The following CTCFL variants were observed in gnomAD, a reference collection of about 807,000 sequenced individuals.
CTCFL encodes the protein transcriptional repressor CTCFL.
Under a neutral mutation model 67.4 loss-of-function variants are expected in CTCFL, and 36 were observed. The observed-to-expected ratio is 0.53, with a 90% CI of 0.41 to 0.71. The LOEUF (loss-of-function observed/expected upper bound fraction) is 0.71. Ranked by LOEUF, CTCFL falls within the 30% of genes least tolerant of loss-of-function variation. The pLI, the probability that CTCFL is intolerant of heterozygous loss-of-function variation, is 0.00. For synonymous variants in CTCFL, 324 were observed against 302.3 expected, an observed-to-expected ratio of 1.07 and a Z score of -0.75; for missense variants, 786 against 835.2, an observed-to-expected ratio of 0.94 and a Z score of 0.73.
intron 7 of CTCFL, among the ~76,000 whole-genome samples, chr20:57,513,052 C>T (rs772221837): frequency 1.4e-4 from 22 of 152,212 alleles, no homozygotes; most frequent in African/African-American, 4.6e-4. Flanking sequence ...CTGCTTTAAA[C>T]GAACAGAATG....
intron 9 of CTCFL, among the ~76,000 whole-genome samples, chr20:57,506,196 A>T (rs1030024373): frequency 1.3e-5 from 2 of 152,216 alleles, no homozygotes; most frequent in African/African-American, 2.4e-5. Context: ...CAGACTCAAG[A>T]AGTCGTGGCA....
At chr20:57,499,545 A>G (rs2067811784) in intron 10 of CTCFL, 1 of 155,202 alleles carries the variant, frequency 6.4e-6, no homozygotes, top group African/African-American at 2.4e-5. Flanking sequence ...TGGTTGTGGG[A>G]TGGTTCAAGC....
intron 1 of CTCFL, 66 bp from the exon 2 acceptor site, chr20:57,524,282 G>C: frequency 2.0e-6 from 3 of 1,534,816 alleles, no homozygotes; most frequent in East Asian, 2.2e-5. Context: ...GAGGGATGCG[G>C]GGGGTGCTGG....
chr20:57,515,742 C>T lies in CTCFL; in HGVS notation c.1152G>A (p.Lys384=). The T allele has an allele frequency of 6.2e-7, 1 of 1,614,136 alleles. No homozygotes were observed. The highest frequency in any genetic ancestry group is 8.5e-7 in the Non-Finnish European group (1 of 1,180,022). Reference sequence around the variant, plus strand: ...AGTGCGTTCTCATGTGGCGTTTCAGCTTGTAGGTATCTCTGCTGGCATAGC... The same window carrying T: ...AGTGCGTTCTCATGTGGCGTTTCAGTTTGTAGGTATCTCTGCTGGCATAGC... ...QCSYASRDTY[K]LKRHMRTHSG... is the part of the protein sequence containing the mutation. Residue 384 remains lysine, a synonymous_variant, in exon 6 of 11, where the codon AAG becomes AAA. Transcript: ENST00000243914.
At chr20:57,513,916 T>A in intron 7 of CTCFL, 1 of 1,285,646 alleles carries the variant, frequency 7.8e-7, no homozygotes, top group South Asian at 1.2e-5. Context: ...TCCCACACCC[T>A]CCCTCCCATT....
chr20:57,506,457 C>T (rs2068214079), intron 9 of CTCFL, among the ~76,000 whole-genome samples: 1 of 152,172 alleles, frequency 6.6e-6, no homozygotes, highest in African/African-American at 2.4e-5. Context: ...GCATGTGCCA[C>T]CATGCCCAGC....
Position 57,524,184 on chromosome 20 carries a change from C to G in CTCFL, c.22G>C (p.Val8Leu), listed in dbSNP as rs774828196. 6.2e-7 allele frequency: 1 copy of G among 1,612,916 alleles called. No individual in the cohort carries two copies. The highest frequency in any genetic ancestry group is 1.1e-5 in the South Asian group (1 of 91,052). The change falls in exon 2 of 11, where the codon GTC (valine) becomes CTC (leucine). Residue 8 changes from valine (V) to leucine (L), a missense_variant. By Grantham distance (32) the Val-to-Leu change is conservative. Around this residue, in one of 3 missense-constraint regions of CTCFL, gnomAD observed 333 missense variants for 304.6 expected, o/e 1.09. Transcript: ENST00000243914. ...ATCTTGGTGAATTGCTCAGAAAGGA[C>G]AGAGATCTCAGTGGCTGCCATAATG... MAATEIS[V>L]LSEQFTKIKE...
intron 7 of CTCFL, chr20:57,513,428 TGACTCA>T: frequency 1.0e-6 from 1 of 988,848 alleles, no homozygotes; most frequent in Non-Finnish European, 1.2e-6. Flanking sequence ...TTACCCACAG[TGACTCA>T]GACATTTAGA....
At chr20:57,501,371 A>AGGGGTGAGTTGGCTGAGG (rs1462047321) in intron 10 of CTCFL, among the ~76,000 whole-genome samples, 34 of 49,582 alleles carry the variant, frequency 6.9e-4, no homozygotes, top group Non-Finnish European at 9.3e-4. Flanking sequence ...GCAGGCCTGC[A>AGGGGTGAGTTGGCTGAGG]GGGGTGAGTT....
chr20:57,524,080 C>A lies in CTCFL; in HGVS notation c.126G>T (p.Arg42=). The change falls in exon 2 of 11, where the codon CGG becomes CGT. Residue 42 remains arginine (R), a synonymous_variant. Coordinates refer to ENST00000243914, the MANE Select transcript of CTCFL (RefSeq NM_001386993.1). ...KDGVCREKDH[R]SPSELEAERT... is the part of the protein sequence containing the mutation. ...GCTCGGCCTCCAACTCACTAGGGCT[C>A]CGATGGTCTTTCTCTCTGCACACTC... 1 of 1,613,722 alleles carries A rather than the reference C, an allele frequency of 6.2e-7. No homozygotes were observed. The highest frequency in any genetic ancestry group is 1.1e-5 in the South Asian group (1 of 91,078).
At chr20:57,509,119 C>T (rs144160200) in intron 8 of CTCFL, among the ~76,000 whole-genome samples, 262 of 152,264 alleles carry the variant, frequency 1.7e-3, no homozygotes, top group African/African-American at 6.1e-3. Context: ...TCCTTCTATA[C>T]AACTATTTAC....
At chr20:57,510,022 A>T (rs572988962) in intron 8 of CTCFL, among the ~76,000 whole-genome samples, 1 of 152,230 alleles carries the variant, frequency 6.6e-6, no homozygotes, top group African/African-American at 2.4e-5. Flanking sequence ...GTTCATTTGA[A>T]TAAGTATGAG....
chr20:57,524,247 A>G (rs753820667), intron 1 of CTCFL, 31 bp from the exon 2 acceptor site: 2 of 1,517,086 alleles, frequency 1.3e-6, no homozygotes, highest in East Asian at 2.6e-5. Context: ...CGGTTTCCAT[A>G]GGGGGGAGAA....
chr20:57,507,358 TTTTC>T (rs1364002127), intron 9 of CTCFL: 6 of 546,954 alleles, frequency 1.1e-5, no homozygotes, highest in Admixed American at 6.2e-5. Context: ...CGCCTAGCTA[TTTTC>T]TTTTTTTTTT....
chr20:57,500,249 G>T, intron 10 of CTCFL: 1 of 999,096 alleles, frequency 1.0e-6, no homozygotes, highest in Non-Finnish European at 1.3e-6. Context: ...CAGATCACTT[G>T]AGGTCAGGAG....
Position 57,498,366 on chromosome 20 carries a change from CTTAA to C in CTCFL, c.*180_*183del. The C allele has an allele frequency of 1.4e-6, 2 of 1,387,168 alleles. No individual in the cohort carries two copies. Among genetic ancestry groups the C allele is most frequent in the Non-Finnish European group, 1.9e-6 (2 of 1,066,762 alleles). 85.9% of individuals were successfully genotyped at this position (1,387,168 alleles called of 1,614,324 possible). ...AACTTGTGTCATCCATTGTCATGAA[CTTAA>C]TTGTTTCAAAGAAAATGCTAAAAAT... On this transcript the variant is annotated 3_prime_UTR_variant, in exon 11 of 11. Transcript: ENST00000243914.
rs2068305726 is a variant in CTCFL, at chr20:57,507,926, C to T, written c.1674+680G>A. ...ATTGCTTAGTCCAGTACCAACAGCA[C>T]TATTCTTTTTTTTTTAATTAAAAAA... On this transcript the variant is annotated intron_variant, in intron 9 of 10. Coordinates refer to ENST00000243914, the MANE Select transcript of CTCFL (RefSeq NM_001386993.1). 7 of 672,366 alleles carry T rather than the reference C, an allele frequency of 1.0e-5. No homozygotes were observed. In the South Asian group the frequency reaches 1.1e-4, roughly 11 times the overall value. The allele number at this position is 672,366 out of a possible 1,614,324, so 41.7% of individuals were successfully genotyped here.
At chr20:57,515,367 A>C (rs1270571635) in intron 6 of CTCFL, 1 of 258,880 alleles carries the variant, frequency 3.9e-6, no homozygotes, top group Non-Finnish European at 7.6e-6. Flanking sequence ...CTGGTCTCAA[A>C]CTCCTGGACT....
At position 57,497,223 on chromosome 20, in the gene CTCFL, T is replaced by A; in HGVS notation, c.*1327A>T. On this transcript the variant is annotated 3_prime_UTR_variant, in exon 11 of 11. Coordinates refer to ENST00000243914, the MANE Select transcript of CTCFL (RefSeq NM_001386993.1). Reference sequence around the variant, plus strand: ...TATGTAAAACATCTTTAAATAACAGTAAAAAAATTAAGAAACCATTGCACA... The same window carrying A: ...TATGTAAAACATCTTTAAATAACAGAAAAAAAATTAAGAAACCATTGCACA... 1.0e-6 allele frequency: 1 copy of A among 956,244 alleles called. No homozygotes were observed. The highest frequency in any genetic ancestry group is 1.2e-6 in the Non-Finnish European group (1 of 803,346). The allele number at this position is 956,244 out of a possible 1,614,324, so 59.2% of individuals were successfully genotyped here.
Sources: allele counts gnomAD v4.1 joint callset (sites outside exome capture counted in the v4.1 genomes callset), GRCh38; gene constraint gnomAD v4.1.1; regional missense constraint gnomAD v4.1.1; transcripts MANE v1.5; gene names NCBI Gene and HGNC (gene_info 2026-07-23, HGNC 2026-07-21).